Variants in UHRF1 observed in about 807,000 individuals in gnomAD.
UHRF1 encodes the protein ubiquitin like with PHD and ring finger domains 1.
A neutral mutation model predicts 96.5 loss-of-function variants in UHRF1; 9 were observed. The observed-to-expected ratio is 0.09, with a 90% CI of 0.06 to 0.16. UHRF1 has a LOEUF of 0.16. Among genes scored for constraint, UHRF1 ranks in the 10% least tolerant of loss-of-function variants. The pLI, the probability that UHRF1 is intolerant of heterozygous loss-of-function variation, is 1.00. For synonymous variants in UHRF1, 455 were observed against 469.9 expected, an observed-to-expected ratio of 0.97 and a Z score of 0.41; for missense variants, 626 against 1,131.1, an observed-to-expected ratio of 0.55 and a Z score of 6.40.
chr19:4,915,670 A>G (rs1467752623), intron 2 of UHRF1, among the ~76,000 whole-genome samples: 1 of 152,142 alleles, frequency 6.6e-6, no homozygotes, highest in East Asian at 1.9e-4. Flanking sequence ...AGATCCCACC[A>G]CTGCACTCCA....
intron 11 of UHRF1, among the ~76,000 whole-genome samples, chr19:4,950,317 C>T (rs1021315354): frequency 6.6e-6 from 1 of 151,168 alleles, no homozygotes; most frequent in Admixed American, 6.6e-5. Flanking sequence ...AATCTCGGCT[C>T]ACTGCAACCT....
Position 4,954,944 on chromosome 19 carries a change from TG to T in UHRF1, c.2130+124del. 7 of 1,275,002 alleles carry T rather than the reference TG, an allele frequency of 5.5e-6. No individual in the cohort carries two copies. The South Asian group carries it at 8.4e-5, about 15-fold the overall frequency. The allele number at this position is 1,275,002 out of a possible 1,614,324, so 79.0% of individuals were successfully genotyped here. A position where few individuals can be genotyped will look rare whatever the true frequency, so the allele number is the denominator to read the frequency against. On this transcript the variant is annotated intron_variant, in intron 15 of 16. Coordinates refer to ENST00000650932, the MANE Select transcript of UHRF1 (RefSeq NM_001048201.3). This position sits in a 1 kb window ranked among gnomAD's most constrained non-coding sequence, Gnocchi z 5.9. ...CTCAGTCGCACTGAGTACATTCTTGTGGTTGTGCAACCATCACCACCATCAC... is the reference window on the plus strand; with the variant it reads ...CTCAGTCGCACTGAGTACATTCTTGTGTTGTGCAACCATCACCACCATCAC...
chr19:4,908,749 C>T (rs149089869), upstream of UHRF1, among the ~76,000 whole-genome samples: 4 of 152,182 alleles, frequency 2.6e-5, no homozygotes, highest in African/African-American at 9.7e-5. Context: ...CATTTCTTGC[C>T]TGTCTCCCCC....
At chr19:4,913,410 C>T (rs772746714) in intron 2 of UHRF1, among the ~76,000 whole-genome samples, 3 of 151,770 alleles carry the variant, frequency 2.0e-5, no homozygotes, top group Admixed American at 1.3e-4. Context: ...CCCACCACCA[C>T]GCCTGATTAA....
At chr19:4,914,623 CGG>C (rs1282707387) in intron 2 of UHRF1, among the ~76,000 whole-genome samples, 17 of 149,492 alleles carry the variant, frequency 1.1e-4, no homozygotes, top group Admixed American at 1.1e-3. Flanking sequence ...GCCTAGGCAA[CGG>C]GAGAGGCATC....
chr19:4,913,577 T>C (rs2032370256), intron 2 of UHRF1, among the ~76,000 whole-genome samples: 1 of 152,020 alleles, frequency 6.6e-6, no homozygotes, highest in Admixed American at 6.6e-5. Flanking sequence ...CTTTTAATTG[T>C]CAGGATGTCC....
At position 4,938,529 on chromosome 19, in the gene UHRF1, G is replaced by T. The variant is rs541423378; in HGVS notation, c.786-2999G>T. On this transcript the variant is annotated intron_variant, in intron 5 of 16. Coordinates refer to ENST00000650932, the MANE Select transcript of UHRF1 (RefSeq NM_001048201.3). ...AGCAAGAATAAGACAGTTTTTTTTT[G>T]TTTGTTTGTTTGTTTTGAGACAAGG... Among the ~76,000 whole-genome samples, 518 of 149,344 alleles carry T rather than the reference G, an allele frequency of 3.5e-3. 3 individuals are homozygous for T. Among genetic ancestry groups the T allele is most frequent in the African/African-American group, 9.5e-3 (388 of 40,670 alleles).
chr19:4,952,674 C>A (rs1373348363), intron 13 of UHRF1, among the ~76,000 whole-genome samples: 2 of 151,832 alleles, frequency 1.3e-5, no homozygotes, highest in Non-Finnish European at 2.9e-5. Context: ...GAGCCGCTGA[C>A]CCTGGCCAGG....
chr19:4,957,005 C>G (rs1351568561), intron 16 of UHRF1, among the ~76,000 whole-genome samples, 192 bp downstream of exon 16: 2 of 152,204 alleles, frequency 1.3e-5, no homozygotes, highest in Non-Finnish European at 2.9e-5. Flanking sequence ...ACATTCTCCC[C>G]CAAGTCCTGT....
chr19:4,941,920 C>A lies in UHRF1; in HGVS notation c.1062C>A (p.Ser354Arg), dbSNP rs17883422. The change falls in exon 7 of 17, where the codon AGC (serine) becomes AGA (arginine). Residue 354 changes from serine (S) to arginine (R), a missense_variant. Around this residue, in one of 11 missense-constraint regions of UHRF1, gnomAD observed 69 missense variants for 159.8 expected, o/e 0.43. Transcript: ENST00000650932. ...CLDPPLSSVP[S>R]EDEWYCPECR... ...ACCCGCCCCTCAGCAGTGTTCCCAG[C>A]GAGGACGAGTGGTGAGTGCGGCCCT... 1.3e-6 allele frequency: 2 copies of A among 1,515,258 alleles called. No individual in the cohort carries two copies. Among genetic ancestry groups the A allele is most frequent in the Non-Finnish European group, 8.8e-7 (1 of 1,131,162 alleles). 93.9% of individuals were successfully genotyped at this position (1,515,258 alleles called of 1,614,324 possible).
At chr19:4,915,693 G>C (rs750408573) in intron 2 of UHRF1, among the ~76,000 whole-genome samples, 3 of 151,998 alleles carry the variant, frequency 2.0e-5, no homozygotes, top group Non-Finnish European at 4.4e-5. Flanking sequence ...CTGGGCGACA[G>C]AGCAAGACTC....
intron 2 of UHRF1, among the ~76,000 whole-genome samples, chr19:4,915,078 T>C (rs1265448970): frequency 6.6e-6 from 1 of 152,194 alleles, no homozygotes; most frequent in African/African-American, 2.4e-5. Context: ...ACCACAAATA[T>C]TCCCAGAGAC....
At chr19:4,917,652 C>CAA (rs754990585) in intron 2 of UHRF1, among the ~76,000 whole-genome samples, 1,092 of 32,252 alleles carry the variant, frequency 0.034, 27 homozygotes, top group Non-Finnish European at 0.037. Context: ...GACTCCGTCT[C>CAA]AAAAAAAAAA....
At chr19:4,939,948 C>G (rs377729950) in intron 5 of UHRF1, among the ~76,000 whole-genome samples, 3 of 148,050 alleles carry the variant, frequency 2.0e-5, no homozygotes, top group Admixed American at 1.4e-4. Context: ...GGCGTGAACC[C>G]GGGAGGTGGA....
rs2033492186 is a variant in UHRF1 at position 4,944,139 on chromosome 19, C to T, written c.1081C>T (p.Pro361Ser). ...SVPSEDEWYC[P>S]ECRNDASEVV... ...ACAATCCCGACCTCGCAGGTACTGC[C>T]CTGAGTGCCGGAATGATGCCAGCGA... Residue 361 changes from proline (P) to serine (S), a missense_variant, in exon 8 of 17, where the codon CCT becomes TCT. Physicochemically the swap from Pro to Ser is moderately conservative, Grantham distance 74. Coordinates refer to ENST00000650932, the MANE Select transcript of UHRF1 (RefSeq NM_001048201.3). 6.2e-7 allele frequency: 1 copy of T among 1,613,690 alleles called. No individual in the cohort carries two copies. Among genetic ancestry groups the T allele is most frequent in the Non-Finnish European group, 8.5e-7 (1 of 1,179,876 alleles).
At chr19:4,936,475 G>A (rs1022169914) in intron 5 of UHRF1, among the ~76,000 whole-genome samples, 2 of 152,140 alleles carry the variant, frequency 1.3e-5, no homozygotes, top group South Asian at 4.1e-4. Context: ...GCTCAGATAG[G>A]TGGCTGAGCC....
Position 4,927,311 on chromosome 19 carries a change from G to A in UHRF1, c.154-1911G>A, listed in dbSNP as rs148913944. Among the ~76,000 whole-genome samples the A allele has an allele frequency of 9.5e-3, 1,423 of 150,290 alleles. 12 individuals carry two copies. Among genetic ancestry groups the A allele is most frequent in the Middle Eastern group, 0.042 (12 of 288 alleles). On this transcript the variant is annotated intron_variant, in intron 2 of 16. Coordinates refer to ENST00000650932, the MANE Select transcript of UHRF1 (RefSeq NM_001048201.3). ...CACAAGAATCGCTTGAACCTGGGAGGTGGAGATTGCAGTGAGCTGAGATCA... is the reference window on the plus strand; with the variant it reads ...CACAAGAATCGCTTGAACCTGGGAGATGGAGATTGCAGTGAGCTGAGATCA...
chr19:4,910,477 TC>T (rs1309939980), intron 1 of UHRF1: 2 of 156,888 alleles, frequency 1.3e-5, no homozygotes, highest in Non-Finnish European at 2.8e-5. Context: ...GCGCTGGACT[TC>T]TGGGATTCCC....
At chr19:4,956,599 A>C in intron 15 of UHRF1, 110 bp from the exon 16 acceptor site, 1 of 721,438 alleles carries the variant, frequency 1.4e-6, no homozygotes, top group Non-Finnish European at 2.5e-6. Flanking sequence ...CCTGGAGTGA[A>C]GGCTGGGGAC....
Sources: allele counts gnomAD v4.1 joint callset (sites outside exome capture counted in the v4.1 genomes callset), GRCh38; gene constraint gnomAD v4.1.1; regional missense constraint gnomAD v4.1.1; non-coding constraint Gnocchi (gnomAD v3.1); transcripts MANE v1.5; gene names NCBI Gene and HGNC (gene_info 2026-07-23, HGNC 2026-07-21).